The following TMPRSS9 variants were observed in gnomAD, a reference collection of about 807,000 sequenced individuals.
TMPRSS9 encodes the protein transmembrane serine protease 9.
TMPRSS9 carries 113 observed loss-of-function variants against 111.4 expected under a neutral mutation model. The ratio of observed to expected loss-of-function variants is 1.01; its 90% CI spans 0.87 to 1.19. TMPRSS9 has a LOEUF of 1.19. Among genes scored for constraint, TMPRSS9 ranks in the 50% most tolerant of loss-of-function variants. The pLI is 0.00. For missense variants in TMPRSS9, 1,803 were observed against 1,513.1 expected, an observed-to-expected ratio of 1.19 and a Z score of -3.18; for synonymous variants, 805 against 659.1, an observed-to-expected ratio of 1.22 and a Z score of -3.39.
At chr19:2,399,303 G>C (rs945308653) in intron 4 of TMPRSS9, 110 bp downstream of exon 5, 38 of 1,382,502 alleles carry the variant, frequency 2.7e-5, no homozygotes, top group Non-Finnish European at 3.3e-5. Flanking sequence ...AAACAAACTG[G>C]CCGGGTGTGG....
upstream of TMPRSS9, among the ~76,000 whole-genome samples, chr19:2,386,423 T>G (rs1235592592): frequency 1.3e-5 from 2 of 150,752 alleles, no homozygotes; most frequent in Admixed American, 6.6e-5. Context: ...GAGAATGGCG[T>G]GAACCTGGGA....
At chr19:2,425,408 A>C (rs1343113829) in exon 17 of TMPRSS9, 17 of 1,572,646 alleles carry the variant, frequency 1.1e-5, no homozygotes, top group Non-Finnish European at 1.5e-5. Context: ...CTCAGCGAGC[A>C]GACCTGCCGC....
chr19:2,424,385 G>A, intron 15 of TMPRSS9, 128 bp downstream of exon 16: 1 of 1,030,896 alleles, frequency 9.7e-7, no homozygotes. Context: ...GGCTCCCACT[G>A]CCCCAGGCCA....
chr19:2,424,139 G>A (rs1348617214), exon 15 of TMPRSS9: 1 of 1,421,894 alleles, frequency 7.0e-7, no homozygotes, highest in African/African-American at 1.5e-5. Flanking sequence ...CGGCAGCGCA[G>A]CGGGCCGTGG....
intron 1 of TMPRSS9, among the ~76,000 whole-genome samples, chr19:2,379,607 CTTTCTT>C (rs1422092538): frequency 5.5e-5 from 8 of 146,110 alleles, no homozygotes; most frequent in African/African-American, 1.6e-4. Context: ...CCTAAACTAA[CTTTCTT>C]TCTCTTTCTT....
exon 15 of TMPRSS9, chr19:2,424,175 T>A: frequency 6.8e-7 from 1 of 1,466,800 alleles, no homozygotes; most frequent in Non-Finnish European, 9.1e-7. Flanking sequence ...GGTGAGCCTG[T>A]GGCTGCGGCG....
At chr19:2,394,227 T>C (rs898045434) in intron 1 of TMPRSS9, among the ~76,000 whole-genome samples, 27 of 141,682 alleles carry the variant, frequency 1.9e-4, no homozygotes, top group African/African-American at 7.1e-4. Context: ...AAGAGAAAGC[T>C]AGCCAGCCAG....
chr19:2,395,642 G>C (rs949453521), intron 1 of TMPRSS9, among the ~76,000 whole-genome samples: 4 of 152,084 alleles, frequency 2.6e-5, no homozygotes, highest in Admixed American at 2.6e-4. Context: ...TTGAACCCGG[G>C]AGGCGGAGGT....
At chr19:2,425,123 G>T (rs1428994220) in exon 16 of TMPRSS9, 4 of 1,582,538 alleles carry the variant, frequency 2.5e-6, no homozygotes, top group South Asian at 1.1e-5. Context: ...CTACACGCTC[G>T]ACTACGACGT....
At chr19:2,425,219 G>C (rs1312842744) in exon 16 of TMPRSS9, 3 of 1,477,146 alleles carry the variant, frequency 2.0e-6, no homozygotes, top group Admixed American at 4.7e-5. Context: ...GCGACCCCCG[G>C]ACGGCACGCG....
chr19:2,379,828 C>A (rs1347122209), intron 1 of TMPRSS9, among the ~76,000 whole-genome samples: 1 of 151,232 alleles, frequency 6.6e-6, no homozygotes, highest in African/African-American at 2.4e-5. Flanking sequence ...ACAATCACAC[C>A]TCACTGTAGT....
chr19:2,422,320 CAT>C, intron 14 of TMPRSS9, 73 bp downstream of exon 15: 2 of 1,448,742 alleles, frequency 1.4e-6, no homozygotes, highest in African/African-American at 1.4e-5. Flanking sequence ...CCTAACAAGA[CAT>C]AACGTCGTCC....
chr19:2,378,823 C>A (rs571167215), intron 1 of TMPRSS9, among the ~76,000 whole-genome samples: 46 of 152,212 alleles, frequency 3.0e-4, no homozygotes, highest in African/African-American at 1.1e-3. Flanking sequence ...ACAATCATGG[C>A]GGAAGGAGGA....
rs78031006 is a variant in TMPRSS9 at position 2,417,993 on chromosome 19, C to A, written c.2018-9C>A. ...GTGCACGTGGCCTTTCTGGCTCTTT[C>A]CCTGGTAGCCACCAAGCCCGAGCTC... On this transcript the variant is annotated splice_polypyrimidine_tract_variant and intron_variant, in intron 12 of 17. Transcript: ENST00000648592. The A allele has an allele frequency of 3.1e-6, 5 of 1,611,702 alleles. No individual in the cohort carries two copies. The highest frequency in any genetic ancestry group is 1.7e-5 in the Admixed American group (1 of 59,942).
At chr19:2,425,044 G>A (rs942625872) in exon 16 of TMPRSS9, 2 of 1,558,346 alleles carry the variant, frequency 1.3e-6, no homozygotes, top group Admixed American at 1.8e-5. Context: ...TAGGCACGCC[G>A]TTCCTGAGCG....
intron 1 of TMPRSS9, among the ~76,000 whole-genome samples, chr19:2,360,946 G>A (rs1049299631): frequency 4.0e-5 from 6 of 150,764 alleles, no homozygotes; most frequent in Admixed American, 6.6e-5. Flanking sequence ...TGTAGATACA[G>A]CTGGGGTGTG....
intron 1 of TMPRSS9, among the ~76,000 whole-genome samples, chr19:2,393,613 G>T (rs1436323292): frequency 2.0e-5 from 3 of 152,066 alleles, no homozygotes; most frequent in Admixed American, 2.0e-4. Context: ...CAAACAATTA[G>T]CCAGGGCCAG....
intron 8 of TMPRSS9, among the ~76,000 whole-genome samples, chr19:2,409,853 C>T (rs1477039170): frequency 8.6e-5 from 13 of 151,866 alleles, no homozygotes; most frequent in Non-Finnish European, 1.5e-4. Flanking sequence ...GAGTGGGGAA[C>T]AGCTATAATG....
chr19:2,391,237 C>CAAAAAAAAAAAAAA lies in TMPRSS9; in HGVS notation c.142+1319_142+1332dup, dbSNP rs10650164. Among the ~76,000 whole-genome samples the CAAAAAAAAAAAAAA allele has an allele frequency of 2.3e-3, 120 of 53,008 alleles. 20 individuals carry two copies. Among genetic ancestry groups the CAAAAAAAAAAAAAA allele is most frequent in the African/African-American group, 0.012 (106 of 8,966 alleles). 34.8% of individuals were successfully genotyped at this position (53,008 alleles called of 152,430 possible). ...CCTGGGCAACAGAGCAATTCCATCT[C>CAAAAAAAAAAAAAA]AAAAAAAAAAAAAAAAAAAAAAGTT... is the stretch of plus-strand genomic sequence containing the variant. On this transcript the variant is annotated intron_variant, in intron 1 of 17. Coordinates refer to ENST00000648592, the Ensembl canonical transcript of TMPRSS9.
Sources: gnomAD v4.1 joint callset for allele counts (sites outside exome capture counted in the v4.1 genomes callset) on GRCh38, gnomAD v4.1.1 for gene constraint, MANE v1.5 for transcripts, NCBI Gene and HGNC (gene_info 2026-07-23, HGNC 2026-07-21) for gene names.